MAEA: variants seen among roughly 807,000 people sequenced by gnomAD.
MAEA encodes the protein E3 ubiquitin-protein transferase MAEA.
A neutral mutation model predicts 46.2 loss-of-function variants in MAEA; 22 were observed. The observed-to-expected ratio is 0.48, with a 90% confidence interval of 0.34 to 0.68. The LOEUF is 0.68. MAEA is among the 30% of genes least tolerant of loss of function. The pLI is 0.01. For synonymous variants in MAEA, 246 were observed against 222.6 expected, an observed-to-expected ratio of 1.11 and a Z score of -0.94; for missense variants, 393 against 558.1, an observed-to-expected ratio of 0.70 and a Z score of 2.98.
chr4:1,299,954 C>T (rs988783144), intron 1 of MAEA: 5 of 152,112 alleles, frequency 3.3e-5, no homozygotes, highest in African/African-American at 1.2e-4. Flanking sequence ...GAAATAAATT[C>T]TCCAATTAAC....
Position 1,339,288 on chromosome 4 carries a change from C to T in MAEA, c.*119C>T. The T allele has an allele frequency of 1.4e-6, 1 of 712,182 alleles. No homozygotes were observed. The highest frequency in any genetic ancestry group is 2.5e-6 in the Non-Finnish European group (1 of 397,732). 44.1% of individuals were successfully genotyped at this position (712,182 alleles called of 1,614,324 possible). ...GTTTCTGTTTCTTGCGACCAAAGAT[C>T]CGTGAGCAACGATAAATACTCTTAG... On this transcript the variant is annotated 3_prime_UTR_variant, in exon 9 of 9. Transcript: ENST00000303400.
chr4:1,295,782 C>T (rs1214831277), intron 1 of MAEA, among the ~76,000 whole-genome samples: 5 of 64,178 alleles, frequency 7.8e-5, no homozygotes, highest in African/African-American at 2.4e-4. Flanking sequence ...CCCTCACCCG[C>T]GCCTGTGCCC....
At chr4:1,329,782 G>A in intron 5 of MAEA, 1 of 985,544 alleles carries the variant, frequency 1.0e-6, no homozygotes, top group Non-Finnish European at 1.2e-6. Context: ...AGGGTGTTGT[G>A]TATCACTCAC....
At chr4:1,323,979 G>T (rs1490365369) in intron 4 of MAEA, among the ~76,000 whole-genome samples, 2 of 150,930 alleles carry the variant, frequency 1.3e-5, no homozygotes, top group Non-Finnish European at 1.5e-5. Context: ...GGGTGAGCAT[G>T]CCTTGTGTTG....
chr4:1,330,325 T>TCTCTCTCTCTCTCTC (rs55818312), intron 5 of MAEA: 48 of 163,200 alleles, frequency 2.9e-4, no homozygotes, highest in South Asian at 6.0e-4. Flanking sequence ...TCTCTCTCTC[T>TCTCTCTCTCTCTCTC]TTCCGTGTGT....
At chr4:1,310,813 C>G (rs1736403183) in intron 1 of MAEA, among the ~76,000 whole-genome samples, 1 of 152,236 alleles carries the variant, frequency 6.6e-6, no homozygotes. Flanking sequence ...CACCCGCCTC[C>G]TGCCCCTGCT....
chr4:1,308,926 C>T (rs894231775), intron 1 of MAEA, among the ~76,000 whole-genome samples: 17 of 152,164 alleles, frequency 1.1e-4, no homozygotes, highest in Admixed American at 2.0e-4. Context: ...CTTTCTGTTG[C>T]CTGTGCTATT....
chr4:1,314,282 G>A (rs1736861065), intron 2 of MAEA, among the ~76,000 whole-genome samples: 1 of 150,116 alleles, frequency 6.7e-6, no homozygotes, highest in Non-Finnish European at 1.5e-5. Context: ...AGCTGAGATC[G>A]CACCACTGCA....
Position 1,339,107 on chromosome 4 carries a change from G to A in MAEA, c.1129G>A (p.Val377Met), listed in dbSNP as rs767215184. 5.6e-6 allele frequency: 9 copies of A among 1,613,946 alleles called. 1 individual carries two copies. The highest frequency in any genetic ancestry group is 3.3e-5 in the South Asian group (3 of 91,090). The stretch of plus-strand genomic sequence containing the variant: ...TTCTATCCGTCAAGATGATAAAGTC[G>A]TGTGCCCGAGAACCAAAGAAGTCTT... ...LLSIRQDDKV[V>M]CPRTKEVFHF... The change falls in exon 9 of 9, where the codon GTG becomes ATG. Residue 377 changes from valine (V) to methionine (M), a missense_variant. Around this residue, in one of 2 missense-constraint regions of MAEA, gnomAD observed 358 missense variants for 537.9 expected, o/e 0.67. Coordinates refer to ENST00000303400, the MANE Select transcript of MAEA (RefSeq NM_001017405.3).
At chr4:1,296,971 C>T (rs1366863168) in intron 1 of MAEA, among the ~76,000 whole-genome samples, 1 of 152,174 alleles carries the variant, frequency 6.6e-6, no homozygotes, top group African/African-American at 2.4e-5. Context: ...CACAGACGGT[C>T]TCCAAGCTCC....
chr4:1,307,744 A>G (rs950303738), intron 1 of MAEA, among the ~76,000 whole-genome samples: 2 of 152,226 alleles, frequency 1.3e-5, no homozygotes, highest in African/African-American at 2.4e-5. Flanking sequence ...CAAAGGCCAG[A>G]GACCCTGGAG....
At chr4:1,316,374 C>T (rs752218704) in intron 3 of MAEA, among the ~76,000 whole-genome samples, 28 of 151,642 alleles carry the variant, frequency 1.8e-4, no homozygotes, top group African/African-American at 4.4e-4. Context: ...CACTTGGGCC[C>T]GTCGCCCTTG....
chr4:1,295,534 C>T (rs1433996347), intron 1 of MAEA, among the ~76,000 whole-genome samples: 1 of 151,878 alleles, frequency 6.6e-6, no homozygotes, highest in Admixed American at 6.6e-5. Flanking sequence ...ACCTGTCCTT[C>T]TCTCAGACTT....
chr4:1,303,952 C>T (rs1400538490), intron 1 of MAEA, among the ~76,000 whole-genome samples: 1 of 50,292 alleles, frequency 2.0e-5, no homozygotes, highest in Non-Finnish European at 3.5e-5. Flanking sequence ...GGGTGGGGGT[C>T]GGGCAGGGCA....
intron 1 of MAEA, chr4:1,310,057 A>G (rs1043843766): frequency 4.5e-5 from 49 of 1,098,440 alleles, no homozygotes; most frequent in Admixed American, 9.8e-5. Flanking sequence ...GCTTTGTCTA[A>G]TGGTCTAATG....
chr4:1,334,698 G>A (rs1397482170), intron 6 of MAEA: 2 of 184,686 alleles, frequency 1.1e-5, no homozygotes, highest in Non-Finnish European at 2.0e-5. Context: ...GCACAACCGT[G>A]TCTCGTGGCA....
At chr4:1,290,901 C>T (rs1279036922) in intron 1 of MAEA, among the ~76,000 whole-genome samples, 3 of 152,344 alleles carry the variant, frequency 2.0e-5, no homozygotes, top group Admixed American at 2.0e-4. Flanking sequence ...GGGTGTGAAT[C>T]AGGCTTCTCT....
At chr4:1,318,047 C>G (rs1218279146) in intron 3 of MAEA, among the ~76,000 whole-genome samples, 2 of 152,238 alleles carry the variant, frequency 1.3e-5, no homozygotes, top group Admixed American at 6.5e-5. Flanking sequence ...CAGCACATGT[C>G]CGCTCCGGTG....
At chr4:1,333,617 C>T (rs924812854) in intron 6 of MAEA, among the ~76,000 whole-genome samples, 4 of 152,096 alleles carry the variant, frequency 2.6e-5, no homozygotes, top group Non-Finnish European at 4.4e-5. Flanking sequence ...CTGGCCCCAA[C>T]CCAGCAGCTG....
Sources: allele counts gnomAD v4.1 joint callset (sites outside exome capture counted in the v4.1 genomes callset), GRCh38; gene constraint gnomAD v4.1.1; regional missense constraint gnomAD v4.1.1; transcripts MANE v1.5; gene names NCBI Gene and HGNC (gene_info 2026-07-23, HGNC 2026-07-21).